The following MCC variants were observed in gnomAD, a reference collection of about 807,000 sequenced individuals.
MCC encodes MCC regulator of Wnt signaling pathway, also known as colorectal mutant cancer protein.
MCC carries 90 observed loss-of-function variants against 116.2 expected under a neutral mutation model. That is an observed-to-expected ratio of 0.77 (90% CI 0.65 to 0.92). MCC has a LOEUF of 0.92. Ranked by LOEUF, MCC falls within the 40% of genes least tolerant of loss-of-function variation. The pLI is 0.00. For missense variants in MCC, 1,516 were observed against 1,312.2 expected, an observed-to-expected ratio of 1.16 and a Z score of -2.40; for synonymous variants, 578 against 510.5, an observed-to-expected ratio of 1.13 and a Z score of -1.78.
chr5:113,352,306 C>T (rs138695636), intron 2 of MCC, among the ~76,000 whole-genome samples: 2 of 152,238 alleles, frequency 1.3e-5, no homozygotes, highest in Non-Finnish European at 2.9e-5. Context: ...CATGATGGTA[C>T]CTGATGGCTC....
chr5:113,442,921 G>A (rs1308518796), intron 1 of MCC, among the ~76,000 whole-genome samples: 1 of 152,198 alleles, frequency 6.6e-6, no homozygotes, highest in Non-Finnish European at 1.5e-5. Context: ...ATAGTTTGAA[G>A]TCAGGTAGCG....
intron 3 of MCC, among the ~76,000 whole-genome samples, chr5:113,177,214 G>C (rs1260178182): frequency 6.6e-6 from 1 of 152,126 alleles, no homozygotes; most frequent in African/African-American, 2.4e-5. Flanking sequence ...CGGTGGCCTT[G>C]TTTCTTTGGT....
chr5:113,280,990 A>C (rs1292751395), intron 3 of MCC, among the ~76,000 whole-genome samples: 1 of 152,220 alleles, frequency 6.6e-6, no homozygotes, highest in Admixed American at 6.5e-5. Flanking sequence ...CTCATGGTAT[A>C]TGCTGGTCAG....
At chr5:113,159,681 T>C (rs574778214) in intron 3 of MCC, among the ~76,000 whole-genome samples, 1 of 152,228 alleles carries the variant, frequency 6.6e-6, no homozygotes, top group Non-Finnish European at 1.5e-5. Flanking sequence ...CCAGGTGTTC[T>C]AATTCAGATA....
intron 2 of MCC, among the ~76,000 whole-genome samples, chr5:113,375,026 T>C (rs1437869097): frequency 6.6e-6 from 1 of 151,540 alleles, no homozygotes; most frequent in Non-Finnish European, 1.5e-5. Context: ...GCACCATGTT[T>C]GTCTTGGAGC....
intron 1 of MCC, among the ~76,000 whole-genome samples, chr5:113,479,155 G>A (rs1020289807): frequency 1.2e-4 from 18 of 152,174 alleles, no homozygotes; most frequent in Admixed American, 2.0e-4. Context: ...AGGAACTACT[G>A]ATATATGTAA....
At chr5:113,334,630 G>T (rs56724932) in intron 3 of MCC, among the ~76,000 whole-genome samples, 2 of 130,470 alleles carry the variant, frequency 1.5e-5, no homozygotes, top group Non-Finnish European at 3.1e-5. Context: ...TCGCTCTGTC[G>T]CCCAGGCTGG....
chr5:113,460,335 A>G (rs919116188), intron 1 of MCC, among the ~76,000 whole-genome samples: 2 of 152,206 alleles, frequency 1.3e-5, no homozygotes, highest in African/African-American at 2.4e-5. Flanking sequence ...TCTCTCAGGA[A>G]GAGGTCCAGC....
In MCC at chr5:113,197,424, G is replaced by A. The variant is rs113531998; in HGVS notation, c.628-46002C>T. ...AGGCAGTGAAAAGGCTGTTTGTGGT[G>A]ATGGACACACAACTCTGAACACACT... On this transcript the variant is annotated intron_variant, in intron 3 of 18. Coordinates refer to ENST00000408903, the MANE Select transcript of MCC (RefSeq NM_001085377.2). 8.0e-4 allele frequency among the ~76,000 whole-genome samples: 122 copies of A among 152,288 alleles called. No homozygotes were observed. The Middle Eastern group carries it at 0.014, about 17-fold the overall frequency.
At chr5:113,041,984 G>A (rs560941123) in intron 17 of MCC, among the ~76,000 whole-genome samples, 86 of 152,160 alleles carry the variant, frequency 5.7e-4, no homozygotes, top group Middle Eastern at 3.4e-3. Context: ...GCGACAGAGC[G>A]AGACTCTGTC....
intron 11 of MCC, among the ~76,000 whole-genome samples, chr5:113,081,689 C>CACT (rs1383127299): frequency 3.3e-5 from 5 of 152,158 alleles, no homozygotes; most frequent in African/African-American, 1.2e-4. Context: ...TCTTTACTGC[C>CACT]ACTAAGTAAT....
In MCC at chr5:113,024,600, C is replaced by T. The variant is rs1044116408; in HGVS notation, c.*2702G>A. On this transcript the variant is annotated 3_prime_UTR_variant, in exon 19 of 19. Coordinates refer to ENST00000408903, the MANE Select transcript of MCC (RefSeq NM_001085377.2). Reference sequence around the variant, plus strand: ...AAACTAGGGAGAACAATTCAAAATACGAAATCTGAAGGTTTTTAACCTCAT... The same window carrying T: ...AAACTAGGGAGAACAATTCAAAATATGAAATCTGAAGGTTTTTAACCTCAT... 8 of 152,170 alleles carry T rather than the reference C, an allele frequency of 5.3e-5. No individual in the cohort carries two copies. The highest frequency in any genetic ancestry group is 7.2e-5 in the African/African-American group (3 of 41,448). The allele number at this position is 152,170 out of a possible 1,614,324, so 9.4% of individuals were successfully genotyped here.
intron 1 of MCC, among the ~76,000 whole-genome samples, chr5:113,447,288 G>A (rs147425607): frequency 4.1e-4 from 63 of 152,292 alleles, no homozygotes; most frequent in African/African-American, 1.5e-3. Flanking sequence ...AGGAAGGGGT[G>A]GGTGGTCTCA....
intron 2 of MCC, among the ~76,000 whole-genome samples, chr5:113,361,273 T>A (rs114990923): frequency 0.032 from 4,876 of 151,792 alleles, 101 homozygotes; most frequent in East Asian, 0.075. Context: ...AAAAAACCCA[T>A]CTTCAGTCTT....
chr5:113,143,401 T>C (rs550596432), intron 4 of MCC, 41 bp from the exon 5 acceptor site: 3 of 1,610,612 alleles, frequency 1.9e-6, no homozygotes, highest in Admixed American at 1.7e-5. Context: ...GATGAATTCA[T>C]GCACCTACAG....
intron 3 of MCC, among the ~76,000 whole-genome samples, chr5:113,184,479 G>GTT (rs11303638): frequency 3.5e-4 from 40 of 115,132 alleles, no homozygotes; most frequent in African/African-American, 1.1e-3. Flanking sequence ...TTCGTTTTTT[G>GTT]TTTTTTTTTT....
At chr5:113,274,358 C>CTTTTG (rs146162818) in intron 3 of MCC, among the ~76,000 whole-genome samples, 117 of 152,216 alleles carry the variant, frequency 7.7e-4, no homozygotes, top group African/African-American at 2.8e-3. Context: ...ACTAAAGATA[C>CTTTTG]TTTTGTTTTG....
rs1255182236 is a variant in MCC, at chr5:113,026,567, CAA to C, written c.*733_*734del. ...CACTGAGAGGGAGAAATCCCAGAAT[CAA>C]GAGAGCGCTCCCTTCCCAGCCCTGC... On this transcript the variant is annotated 3_prime_UTR_variant, in exon 19 of 19. Transcript: ENST00000408903. 1.3e-5 allele frequency: 2 copies of C among 152,226 alleles called. No individual in the cohort carries two copies. Among genetic ancestry groups the C allele is most frequent in the Non-Finnish European group, 2.9e-5 (2 of 68,050 alleles). The allele number at this position is 152,226 out of a possible 1,614,324, so 9.4% of individuals were successfully genotyped here. A position where few individuals can be genotyped will look rare whatever the true frequency, so the allele number is the denominator to read the frequency against.
At chr5:113,332,448 G>A (rs1424388290) in intron 3 of MCC, among the ~76,000 whole-genome samples, 2 of 150,874 alleles carry the variant, frequency 1.3e-5, no homozygotes, top group African/African-American at 4.9e-5. Flanking sequence ...AGTGACTTAC[G>A]CCTATAATCC....
Sources: gnomAD v4.1 joint callset for allele counts (sites outside exome capture counted in the v4.1 genomes callset) on GRCh38, gnomAD v4.1.1 for gene constraint, MANE v1.5 for transcripts, NCBI Gene and HGNC (gene_info 2026-07-23, HGNC 2026-07-21) for gene names.